Variants in PICALM observed in about 807,000 individuals in gnomAD.
PICALM encodes phosphatidylinositol-binding clathrin assembly protein.
In PICALM, 40 loss-of-function variants were observed where a neutral mutation model predicts 80.5. The observed-to-expected ratio is 0.50, with a 90% CI of 0.39 to 0.65. The LOEUF (loss-of-function observed/expected upper bound fraction) is 0.65. Ranked by LOEUF, PICALM falls within the 30% of genes least tolerant of loss-of-function variation. The probability of loss-of-function intolerance (pLI) is 0.00; values close to 1 mark genes in which losing one functional copy is unlikely to be tolerated. For missense variants in PICALM, 676 were observed against 778.9 expected (o/e 0.87, Z 1.57); for synonymous variants, 288 against 260.3 (o/e 1.11, Z -1.02).
chr11:86,040,611 TTAAA>T (rs1453544925), intron 1 of PICALM, among the ~76,000 whole-genome samples: 6 of 152,196 alleles, frequency 3.9e-5, no homozygotes, highest in African/African-American at 9.7e-5. Context: ...TTTAAATAGG[TTAAA>T]TAAATAAAAC....
At chr11:86,034,591 C>T (rs1001560828) in intron 1 of PICALM, among the ~76,000 whole-genome samples, 11 of 151,974 alleles carry the variant, frequency 7.2e-5, no homozygotes, top group Non-Finnish European at 1.6e-4. Flanking sequence ...TTATTTATCT[C>T]AATAACATAA....
rs201842120 is a variant in PICALM, at chr11:85,958,542, A to AT, written c.*503dup. 170 of 211,052 alleles carry AT rather than the reference A, an allele frequency of 8.1e-4. 2 individuals carry two copies. In the East Asian group the frequency reaches 0.011, roughly 14 times the overall value. 13.1% of individuals were successfully genotyped at this position (211,052 alleles called of 1,614,324 possible). A position where few individuals can be genotyped will look rare whatever the true frequency, so the allele number is the denominator to read the frequency against. ...GAATGTCTACTGCAAACTGAATATA[A>AT]TTTTTTTTAAAAAAAGAAAAGTTAA... On this transcript the variant is annotated 3_prime_UTR_variant, in exon 20 of 20. Transcript: ENST00000393346.
intron 18 of PICALM, among the ~76,000 whole-genome samples, chr11:85,975,566 G>T (rs1213966390): frequency 1.5e-5 from 2 of 133,894 alleles, no homozygotes; most frequent in Admixed American, 7.4e-5. Context: ...TTCATTTTAA[G>T]TTTATGGCCT....
rs534527004 is a variant in PICALM, at chr11:85,982,743, A to G, written c.1517-740T>C. Among the ~76,000 whole-genome samples, 203 of 152,204 alleles carry G rather than the reference A, an allele frequency of 1.3e-3. 1 individual carries two copies. The highest frequency in any genetic ancestry group is 4.8e-3 in the African/African-American group (198 of 41,530). On this transcript the variant is annotated intron_variant, in intron 14 of 19. Coordinates refer to ENST00000393346, the MANE Select transcript of PICALM (RefSeq NM_007166.4). ...CGCCCGGCCGAGACCTTTTTTTTAAAAGCAGAGAATGTAAGAGTGAACTAT... is the reference window on the plus strand; with the variant it reads ...CGCCCGGCCGAGACCTTTTTTTTAAGAGCAGAGAATGTAAGAGTGAACTAT...
At chr11:86,045,669 T>C (rs77388249) in intron 1 of PICALM, among the ~76,000 whole-genome samples, 9,960 of 152,216 alleles carry the variant, frequency 0.065, 563 homozygotes, top group African/African-American at 0.16. Context: ...TCTATATTTA[T>C]ACAATATCCC....
intron 1 of PICALM, among the ~76,000 whole-genome samples, chr11:86,051,855 G>A (rs2096194423): frequency 6.6e-6 from 1 of 152,122 alleles, no homozygotes. Context: ...CTAAATGTCA[G>A]ATTTATTCTC....
At chr11:85,993,640 T>C (rs2094865263) in intron 12 of PICALM, among the ~76,000 whole-genome samples, 1 of 152,032 alleles carries the variant, frequency 6.6e-6, no homozygotes, top group Non-Finnish European at 1.5e-5. Context: ...GGTATCACCA[T>C]GTTGGCCAGG....
At chr11:85,999,299 CAAT>C (rs2095072921) in intron 11 of PICALM, among the ~76,000 whole-genome samples, 1 of 152,124 alleles carries the variant, frequency 6.6e-6, no homozygotes, top group South Asian at 2.1e-4. Flanking sequence ...ATAGAATATA[CAAT>C]AATAATTCTG....
intron 1 of PICALM, among the ~76,000 whole-genome samples, chr11:86,047,033 T>C (rs1258138421): frequency 6.6e-6 from 1 of 152,206 alleles, no homozygotes; most frequent in African/African-American, 2.4e-5. Flanking sequence ...TATTATAATA[T>C]CTCTATTGCA....
chr11:85,977,553 A>G (rs1219844149), intron 17 of PICALM, among the ~76,000 whole-genome samples: 1 of 152,254 alleles, frequency 6.6e-6, no homozygotes, highest in Non-Finnish European at 1.5e-5. Context: ...TGGCAATTTG[A>G]ACATATGCAT....
At chr11:86,059,838 C>A (rs73508085) in intron 1 of PICALM, among the ~76,000 whole-genome samples, 4,067 of 151,180 alleles carry the variant, frequency 0.027, 180 homozygotes, top group African/African-American at 0.091. Flanking sequence ...ACCTAACCTG[C>A]CTAACTTTCA....
rs766728047 is a variant in PICALM at position 86,050,204 on chromosome 11, C to CAAAA, written c.130+18443_130+18446dup. Among the ~76,000 whole-genome samples, 38 of 81,768 alleles carry CAAAA rather than the reference C, an allele frequency of 4.6e-4. 1 individual carries two copies. The highest frequency in any genetic ancestry group is 1.7e-3 in the African/African-American group (32 of 18,846). 53.6% of individuals were successfully genotyped at this position (81,768 alleles called of 152,430 possible). On this transcript the variant is annotated intron_variant, in intron 1 of 19. Transcript: ENST00000393346. ...TGGGCAACAGAGCAAGACTCTGTCTCAAAAAAAAAAAAAAAAAAAAACTAT... is the reference window on the plus strand; with the variant it reads ...TGGGCAACAGAGCAAGACTCTGTCTCAAAAAAAAAAAAAAAAAAAAAAAAACTAT...
At chr11:85,994,541 CA>C (rs1308603920) in intron 12 of PICALM, among the ~76,000 whole-genome samples, 2 of 151,494 alleles carry the variant, frequency 1.3e-5, no homozygotes, top group Non-Finnish European at 2.9e-5. Context: ...TAATAAAAGC[CA>C]ATAAAAGAAC....
intron 12 of PICALM, among the ~76,000 whole-genome samples, chr11:85,996,213 T>C (rs991820747): frequency 6.6e-6 from 1 of 152,166 alleles, no homozygotes; most frequent in Non-Finnish European, 1.5e-5. Flanking sequence ...AATTAACTTA[T>C]CTTGCTATGA....
At chr11:86,025,404 A>C (rs2095634253) in intron 3 of PICALM, among the ~76,000 whole-genome samples, 1 of 152,126 alleles carries the variant, frequency 6.6e-6, no homozygotes, top group Admixed American at 6.5e-5. Flanking sequence ...GTCTCAAAAA[A>C]ACATAAATAA....
Position 86,010,725 on chromosome 11 carries a change from T to C in PICALM, c.765+305A>G, listed in dbSNP as rs1181396862. ...ATTTAACAATAAACATTCTCAAATA[T>C]ATGGTTCATTCCAACCATAAAAATC... On this transcript the variant is annotated intron_variant, in intron 7 of 19. Coordinates refer to ENST00000393346, the MANE Select transcript of PICALM (RefSeq NM_007166.4). 3.3e-5 allele frequency among the ~76,000 whole-genome samples: 5 copies of C among 152,350 alleles called. No homozygotes were observed. In the South Asian group the frequency reaches 6.2e-4, roughly 19 times the overall value.
chr11:85,981,624 A>T, intron 16 of PICALM, 121 bp downstream of exon 16: 6 of 683,450 alleles, frequency 8.8e-6, no homozygotes, highest in Non-Finnish European at 1.0e-5. Context: ...AAAAAAAAAG[A>T]TGCAGACTTG....
intron 3 of PICALM, among the ~76,000 whole-genome samples, chr11:86,023,171 A>C (rs889560382): frequency 4.6e-5 from 7 of 152,188 alleles, no homozygotes; most frequent in African/African-American, 1.4e-4. Context: ...GAAGTCTATA[A>C]ATTTTTGCTC....
intron 19 of PICALM, among the ~76,000 whole-genome samples, chr11:85,966,178 A>C (rs760262652): frequency 6.6e-5 from 10 of 150,896 alleles, no homozygotes; most frequent in Non-Finnish European, 1.0e-4. Context: ...TTCCACTTTG[A>C]ATGTATGTTG....
Sources: allele counts gnomAD v4.1 joint callset (sites outside exome capture counted in the v4.1 genomes callset), GRCh38; gene constraint gnomAD v4.1.1; transcripts MANE v1.5; gene names NCBI Gene and HGNC (gene_info 2026-07-23, HGNC 2026-07-21).